Variants in PA2G4 observed in about 807,000 individuals in gnomAD.
The protein encoded by PA2G4 is proliferation-associated 2G4.
A neutral mutation model predicts 53.3 loss-of-function variants in PA2G4; 8 were observed. That is an observed-to-expected ratio of 0.15 (90% CI 0.09 to 0.27). The LOEUF (loss-of-function observed/expected upper bound fraction) is 0.27, where lower values mean the gene tolerates loss of function less well. PA2G4 is among the 10% of genes least tolerant of loss of function. The probability of loss-of-function intolerance (pLI) is 1.00; values close to 1 mark genes in which losing one functional copy is unlikely to be tolerated. For missense variants in PA2G4, 208 were observed against 486.8 expected (o/e 0.43, Z 5.39); for synonymous variants, 143 against 169.8 (o/e 0.84, Z 1.23).
At position 56,104,737 on chromosome 12, in the gene PA2G4, G is replaced by C. The variant is rs1565863509; in HGVS notation, c.-1G>C. 1 of 1,613,792 alleles carries C rather than the reference G, an allele frequency of 6.2e-7. No homozygotes were observed. Among genetic ancestry groups the C allele is most frequent in the South Asian group, 1.1e-5 (1 of 91,060 alleles). On this transcript the variant is annotated 5_prime_UTR_variant, in exon 1 of 13. Transcript: ENST00000303305. ...GAGGCTGCAGTGGTGGTAGTAGGAA[G>C]ATGTCGGGCGAGGACGAGCAACAGG...
rs1299069677 is a variant in PA2G4, at chr12:56,113,070, G to T, written c.*182G>T. 1 of 461,210 alleles carries T rather than the reference G, an allele frequency of 2.2e-6. No individual in the cohort carries two copies. Among genetic ancestry groups the T allele is most frequent in the East Asian group, 3.6e-5 (1 of 27,602 alleles). 28.6% of individuals were successfully genotyped at this position (461,210 alleles called of 1,614,324 possible). A position where few individuals can be genotyped will look rare whatever the true frequency, so the allele number is the denominator to read the frequency against. On this transcript the variant is annotated 3_prime_UTR_variant, in exon 13 of 13. Transcript: ENST00000303305. ...CAACAACCAGCTCCAACTGACTCTGGTCTTGGGAGGTGAGGCTTCCCAACC... is the reference window on the plus strand; with the variant it reads ...CAACAACCAGCTCCAACTGACTCTGTTCTTGGGAGGTGAGGCTTCCCAACC...
chr12:56,112,716 C>G, intron 12 of PA2G4, 107 bp from the exon 13 acceptor site: 1 of 773,800 alleles, frequency 1.3e-6, no homozygotes, highest in South Asian at 1.6e-5. Flanking sequence ...GCCTGGAAAA[C>G]AGAGTGAGAC....
intron 2 of PA2G4, 54 bp from the exon 3 acceptor site, chr12:56,106,936 A>G: frequency 2.8e-6 from 4 of 1,453,660 alleles, no homozygotes; most frequent in Admixed American, 1.7e-5. Context: ...TCTGAAGGGC[A>G]CTAGGGCTCC....
chr12:56,108,439 C>T (rs933731157), intron 5 of PA2G4, among the ~76,000 whole-genome samples: 1 of 152,210 alleles, frequency 6.6e-6, no homozygotes, highest in African/African-American at 2.4e-5. Context: ...AGCTGGTCCT[C>T]AGCTTGATGC....
chr12:56,109,785 C>T (rs992702956), intron 6 of PA2G4, 72 bp from the exon 7 acceptor site: 13 of 1,047,516 alleles, frequency 1.2e-5, no homozygotes, highest in Admixed American at 1.2e-4. Flanking sequence ...CTTCAAACTA[C>T]TGAAGTGGGT....
At chr12:56,108,428 C>G (rs773711705) in intron 5 of PA2G4, among the ~76,000 whole-genome samples, 5 of 152,210 alleles carry the variant, frequency 3.3e-5, no homozygotes, top group Non-Finnish European at 7.3e-5. Flanking sequence ...TATGCAGTTA[C>G]AGCTGGTCCT....
chr12:56,110,807 C>T (rs1869404848), intron 9 of PA2G4, 115 bp downstream of exon 9: 2 of 1,349,838 alleles, frequency 1.5e-6, no homozygotes, highest in Non-Finnish European at 2.1e-6. Flanking sequence ...TCACTCCCTC[C>T]CTCTCTCTCC....
chr12:56,110,179 C>T (rs1284493123), intron 7 of PA2G4, among the ~76,000 whole-genome samples: 4 of 151,922 alleles, frequency 2.6e-5, no homozygotes, highest in East Asian at 1.9e-4. Flanking sequence ...ACCAACATGG[C>T]GAAACCCTGT....
rs1565865429 is a variant in PA2G4 at position 56,112,828 on chromosome 12, C to T, written c.1125C>T (p.Ser375=). 4 of 1,586,206 alleles carry T rather than the reference C, an allele frequency of 2.5e-6. No individual in the cohort carries two copies. The highest frequency in any genetic ancestry group is 1.7e-6 in the Non-Finnish European group (2 of 1,168,812). ...KTQKKKKKKA[S]KTAENATSGE... is the part of the protein sequence containing the mutation. ...TCTCCTTTTCTTGCATATAGGCCTC[C>T]AAGACTGCAGAGAATGCCACCAGTG... is the stretch of plus-strand genomic sequence containing the variant. The change falls in exon 13 of 13, where the codon TCC becomes TCT. Residue 375 remains serine (S), a synonymous_variant. Coordinates refer to ENST00000303305, the MANE Select transcript of PA2G4 (RefSeq NM_006191.3).
Position 56,112,904 on chromosome 12 carries a change from C to T in PA2G4, c.*16C>T, listed in dbSNP as rs1216414244. On this transcript the variant is annotated 3_prime_UTR_variant, in exon 13 of 13. Coordinates refer to ENST00000303305, the MANE Select transcript of PA2G4 (RefSeq NM_006191.3). ...TGGGGACTGAGGTGGGTCCCATCTC[C>T]CCAGCTTGCTGCTCCTGCCTCATCC... The T allele has an allele frequency of 1.3e-6, 2 of 1,508,122 alleles. No individual in the cohort carries two copies. The highest frequency in any genetic ancestry group is 2.5e-5 in the East Asian group (1 of 39,990). 93.4% of individuals were successfully genotyped at this position (1,508,122 alleles called of 1,614,324 possible). A position where few individuals can be genotyped will look rare whatever the true frequency, so the allele number is the denominator to read the frequency against.
chr12:56,110,348 A>C (rs1219549805), intron 7 of PA2G4, 51 bp from the exon 8 acceptor site: 1 of 1,094,302 alleles, frequency 9.1e-7, no homozygotes, highest in Admixed American at 1.7e-5. Context: ...TGACAGAATG[A>C]GACTCTGTGT....
At chr12:56,109,426 C>T in intron 6 of PA2G4, 133 bp downstream of exon 6, 1 of 607,572 alleles carries the variant, frequency 1.6e-6, no homozygotes, top group Non-Finnish European at 3.0e-6. Context: ...TTGAGACTAG[C>T]CTGGCCAACA....
rs1300108107 is a variant in PA2G4, at chr12:56,104,749, G to C, written c.12G>C (p.Glu4Asp). MSGEDEQQEQTIAE... is the reference protein window; with the variant it reads MSGDDEQQEQTIAE... ...GTGGTAGTAGGAAGATGTCGGGCGAGGACGAGCAACAGGAGCAAACTATCG... is the reference window on the plus strand; with the variant it reads ...GTGGTAGTAGGAAGATGTCGGGCGACGACGAGCAACAGGAGCAAACTATCG... The change falls in exon 1 of 13, where the codon GAG becomes GAC. Residue 4 changes from glutamate (E) to aspartate (D), a missense_variant. Around this residue, in one of 3 missense-constraint regions of PA2G4, gnomAD observed 15 missense variants for 17.6 expected, o/e 0.85. Coordinates refer to ENST00000303305, the MANE Select transcript of PA2G4 (RefSeq NM_006191.3). 4 of 1,613,908 alleles carry C rather than the reference G, an allele frequency of 2.5e-6. No homozygotes were observed. The South Asian group carries it at 3.3e-5, about 13-fold the overall frequency.
rs1185553158 is a variant in PA2G4 at position 56,111,163 on chromosome 12, A to T, written c.938-19A>T. The T allele has an allele frequency of 1.9e-6, 3 of 1,614,092 alleles. No homozygotes were observed. The highest frequency in any genetic ancestry group is 2.5e-6 in the Non-Finnish European group (3 of 1,180,028). On this transcript the variant is annotated intron_variant, in intron 10 of 12. Coordinates refer to ENST00000303305, the MANE Select transcript of PA2G4 (RefSeq NM_006191.3). ...ACAAAGGAACTTTTTATCAAAACAC[A>T]TCTTCATTTTTGCCATAGGTGAATT...
In PA2G4 at chr12:56,107,525, C is replaced by G. The variant is rs1185101770; in HGVS notation, c.398C>G (p.Thr133Ser). ...ATTGCATGTCCTTATCTACAGGGGA[C>G]CCAAGTAACAGGGAGGAAAGCAGAT... ...HTFVVDVAQGTQVTGRKADVI... is the reference protein window; with the variant it reads ...HTFVVDVAQGSQVTGRKADVI... The change falls in exon 5 of 13, where the codon ACC becomes AGC. Residue 133 changes from threonine to serine, a missense_variant. This residue lies in a region of PA2G4 where 143 missense variants were observed against 386.8 expected (regional missense o/e 0.37). Transcript: ENST00000303305. 6.2e-7 allele frequency: 1 copy of G among 1,611,130 alleles called. No homozygotes were observed. The highest frequency in any genetic ancestry group is 1.3e-5 in the African/African-American group (1 of 74,832).
chr12:56,109,976 C>T, intron 7 of PA2G4, 41 bp downstream of exon 7: 2 of 1,407,746 alleles, frequency 1.4e-6, no homozygotes, highest in Non-Finnish European at 2.0e-6. Context: ...CCACACAAGA[C>T]TAGTCATCAG....
chr12:56,104,851 A>G (rs761599717), intron 1 of PA2G4, 26 bp downstream of exon 1: 58 of 1,588,282 alleles, frequency 3.7e-5, no homozygotes, highest in South Asian at 6.7e-5. Flanking sequence ...GGGGTCGGGG[A>G]ATCAAGGCTG....
At position 56,111,507 on chromosome 12, in the gene PA2G4, C is replaced by T; in HGVS notation, c.1097C>T (p.Thr366Ile). ...ALLQSSASRK[T>I]QKKKKKKASK... ...CTCCAGAGTTCTGCAAGTCGAAAAA[C>T]CCAGAAAAAGAAAAAAAAGAAGGTG... Residue 366 changes from threonine (T) to isoleucine (I), a missense_variant, in exon 12 of 13, where the codon ACC becomes ATC. Physicochemically the swap from Thr to Ile is moderately conservative, Grantham distance 89. Coordinates refer to ENST00000303305, the MANE Select transcript of PA2G4 (RefSeq NM_006191.3). 1.9e-6 allele frequency: 3 copies of T among 1,613,580 alleles called. No individual in the cohort carries two copies. Among genetic ancestry groups the T allele is most frequent in the Non-Finnish European group, 2.5e-6 (3 of 1,179,820 alleles).
chr12:56,105,680 C>G (rs1233327350), intron 1 of PA2G4, among the ~76,000 whole-genome samples: 1 of 152,212 alleles, frequency 6.6e-6, no homozygotes, highest in Non-Finnish European at 1.5e-5. Flanking sequence ...ACAAGTCATC[C>G]TTACTCCAGG....
Sources: allele counts gnomAD v4.1 joint callset (sites outside exome capture counted in the v4.1 genomes callset), GRCh38; gene constraint gnomAD v4.1.1; regional missense constraint gnomAD v4.1.1; transcripts MANE v1.5; gene names NCBI Gene and HGNC (gene_info 2026-07-23, HGNC 2026-07-21).